The following TRPM1 variants were observed in gnomAD, a reference collection of about 807,000 sequenced individuals.
The protein encoded by TRPM1 is transient receptor potential cation channel subfamily M member 1, also known as TRPM1-203 APA Isoform, Intron 10.
In TRPM1, 113 loss-of-function variants were observed where a neutral mutation model predicts 149.4. That is an observed-to-expected ratio of 0.76 (90% CI 0.65 to 0.88). The LOEUF (loss-of-function observed/expected upper bound fraction) is 0.88, where lower values mean the gene tolerates loss of function less well. Ranked by LOEUF, TRPM1 falls within the 40% of genes least tolerant of loss-of-function variation. TRPM1 has a pLI of 0.00. For synonymous variants in TRPM1, 741 were observed against 759.5 expected (o/e 0.98, Z 0.40); for missense variants, 1,976 against 2,038.7 (o/e 0.97, Z 0.59).
rs12913672 is a variant in TRPM1 at position 31,038,110 on chromosome 15, A to G, written c.2373T>C (p.Tyr791=). The G allele has an allele frequency of 0.24, 379,715 of 1,613,592 alleles. 46,541 individuals are homozygous for G. Among genetic ancestry groups the G allele is most frequent in the Admixed American group, 0.26 (15,841 of 59,996 alleles). The change falls in exon 19 of 28, where the codon TAT becomes TAC. Residue 791 remains tyrosine, a synonymous_variant. Coordinates refer to ENST00000256552, the MANE Select transcript of TRPM1 (RefSeq NM_001252024.2). ...PTILFLEFRT[Y]DDFSYQTSKE... ...TGGATGTTTGATACGAGAAATCATCATATGTGCGAAATTCCAAAAACAAGA... is the reference window on the plus strand; with the variant it reads ...TGGATGTTTGATACGAGAAATCATCGTATGTGCGAAATTCCAAAAACAAGA...
intron 7 of TRPM1, among the ~76,000 whole-genome samples, chr15:31,065,597 A>G (rs2034351791): frequency 6.6e-6 from 1 of 152,172 alleles, no homozygotes; most frequent in African/African-American, 2.4e-5. Context: ...ATGCCCCTTC[A>G]GGAGCAGATG....
At chr15:31,083,167 C>A (rs2034907563) in intron 1 of TRPM1, among the ~76,000 whole-genome samples, 2 of 152,130 alleles carry the variant, frequency 1.3e-5, no homozygotes, top group Admixed American at 1.3e-4. Flanking sequence ...AGCCCTATGT[C>A]TTGGGCCAAA....
chr15:31,026,934 C>G lies in TRPM1; in HGVS notation c.3477G>C (p.Glu1159Asp). The G allele has an allele frequency of 1.2e-6, 2 of 1,614,012 alleles. No individual in the cohort carries two copies. Among genetic ancestry groups the G allele is most frequent in the Non-Finnish European group, 1.7e-6 (2 of 1,180,002 alleles). The change falls in exon 26 of 28, where the codon GAG becomes GAC. Residue 1159 changes from glutamate to aspartate, a missense_variant. Around this residue, in one of 3 missense-constraint regions of TRPM1, gnomAD observed 572 missense variants for 578.9 expected, o/e 0.99. Transcript: ENST00000256552. ...RCRKKREGDQEERDRGLKLFL... is the reference protein window; with the variant it reads ...RCRKKREGDQDERDRGLKLFL... ...ACATACTCAATCCACGATCCCGTTC[C>G]TCTTGGTCCCCTTCTCTCTTTTTCC...
At chr15:31,082,256 C>T (rs2034880761) in intron 1 of TRPM1, among the ~76,000 whole-genome samples, 1 of 152,180 alleles carries the variant, frequency 6.6e-6, no homozygotes, top group Non-Finnish European at 1.5e-5. Flanking sequence ...ATTTTGAATG[C>T]CTCTGTGCCG....
At chr15:31,069,624 C>T (rs948142060) in intron 4 of TRPM1, 5 of 1,319,890 alleles carry the variant, frequency 3.8e-6, no homozygotes, top group Non-Finnish European at 3.8e-6. Flanking sequence ...TGAGCGCAGG[C>T]CCAGGGAAGC....
intron 4 of TRPM1, among the ~76,000 whole-genome samples, chr15:31,068,343 C>T (rs574342249): frequency 4.6e-5 from 7 of 152,226 alleles, no homozygotes; most frequent in Non-Finnish European, 7.4e-5. Context: ...CTAAAATTCA[C>T]GTGGAAACCT....
chr15:31,102,245 C>A (rs578212173), upstream of TRPM1, among the ~76,000 whole-genome samples: 1 of 152,240 alleles, frequency 6.6e-6, no homozygotes, highest in African/African-American at 2.4e-5. Flanking sequence ...TGCTCTCCCC[C>A]CTTCACCAGG....
At chr15:31,080,562 G>T (rs185749169) in intron 2 of TRPM1, among the ~76,000 whole-genome samples, 1 of 152,180 alleles carries the variant, frequency 6.6e-6, no homozygotes, top group African/African-American at 2.4e-5. Context: ...AAGAACTGAG[G>T]GAAGATTCCA....
At chr15:31,020,416 C>T (rs12915504) in intron 27 of TRPM1, among the ~76,000 whole-genome samples, 35,326 of 152,180 alleles carry the variant, frequency 0.23, 4,685 homozygotes, top group Non-Finnish European at 0.3. Context: ...GCATCCATGC[C>T]GTATGTACAG....
chr15:31,067,102 C>T lies in TRPM1; in HGVS notation c.579G>A (p.Trp193Ter), dbSNP rs764266217. 1.2e-6 allele frequency: 2 copies of T among 1,614,106 alleles called. No individual in the cohort carries two copies. The highest frequency in any genetic ancestry group is 4.5e-5 in the East Asian group (2 of 44,886). Residue 193 changes from tryptophan to a stop codon, truncating the protein, a stop_gained, in exon 6 of 28, where the codon TGG (tryptophan) becomes TGA (stop). Coordinates refer to ENST00000256552, the MANE Select transcript of TRPM1 (RefSeq NM_001252024.2). LOFTEE classifies it high-confidence loss of function. ...GGTCTTCCTTATTCTCCACGATGCC[C>T]CATGGAGCAATTCCTATAGCACAAA... The part of the protein sequence containing the change: ...GRVCAIGIAP[W>*]GIVENKEDLV...
At chr15:31,086,841 A>T (rs2035014491) in intron 1 of TRPM1, among the ~76,000 whole-genome samples, 1 of 152,224 alleles carries the variant, frequency 6.6e-6, no homozygotes, top group African/African-American at 2.4e-5. Flanking sequence ...AGCAATTAAT[A>T]TTTAAAATAT....
chr15:31,050,589 T>C lies in TRPM1; in HGVS notation c.1264-7A>G. 1 of 1,614,040 alleles carries C rather than the reference T, an allele frequency of 6.2e-7. No homozygotes were observed. The highest frequency in any genetic ancestry group is 8.5e-7 in the Non-Finnish European group (1 of 1,180,000). ...GTGCCAGGCTTCCCAGGGGCTGCAG[T>C]CCACAGCAATCAGAGTTGGGAAATG... is the stretch of plus-strand genomic sequence containing the variant. On this transcript the variant is annotated splice_polypyrimidine_tract_variant and splice_region_variant and intron_variant, in intron 11 of 27. Coordinates refer to ENST00000256552, the MANE Select transcript of TRPM1 (RefSeq NM_001252024.2).
chr15:31,129,450 C>A (rs1246452958), intron 1 of TRPM1, among the ~76,000 whole-genome samples: 2 of 152,208 alleles, frequency 1.3e-5, no homozygotes, highest in African/African-American at 4.8e-5. Context: ...TTTCTGCCCA[C>A]TCAGCTCTCT....
intron 1 of TRPM1, among the ~76,000 whole-genome samples, chr15:31,144,471 T>G (rs2036198761): frequency 6.6e-6 from 1 of 152,154 alleles, no homozygotes; most frequent in African/African-American, 2.4e-5. Context: ...CAATCTGAGA[T>G]TCTTTGTCAA....
intron 1 of TRPM1, among the ~76,000 whole-genome samples, chr15:31,091,769 A>C (rs889508062): frequency 1.3e-5 from 2 of 152,212 alleles, no homozygotes; most frequent in Non-Finnish European, 2.9e-5. Context: ...TCATATATTT[A>C]TAGATGAACG....
chr15:31,052,150 G>A (rs2033963386), intron 11 of TRPM1, among the ~76,000 whole-genome samples: 2 of 152,214 alleles, frequency 1.3e-5, no homozygotes, highest in Admixed American at 1.3e-4. Context: ...AGTAACTCCA[G>A]AGTGACCTTT....
At chr15:31,036,102 G>C (rs377260125) in intron 20 of TRPM1, 81 of 315,220 alleles carry the variant, frequency 2.6e-4, no homozygotes, top group African/African-American at 1.7e-3. Context: ...TTAGATGAGA[G>C]GACATGTGGA....
chr15:31,100,519 A>G (rs781182352), intron 1 of TRPM1, among the ~76,000 whole-genome samples: 8 of 152,214 alleles, frequency 5.3e-5, no homozygotes, highest in Non-Finnish European at 1.0e-4. Context: ...ACTAATAAAA[A>G]GTACAAAAGA....
At chr15:31,126,686 A>G (rs1210357638) in intron 1 of TRPM1, among the ~76,000 whole-genome samples, 3 of 152,078 alleles carry the variant, frequency 2.0e-5, no homozygotes, top group African/African-American at 4.8e-5. Context: ...TTTGCCGGCC[A>G]GGCGCAGTGG....
Sources: gnomAD v4.1 joint callset for allele counts (sites outside exome capture counted in the v4.1 genomes callset) on GRCh38, gnomAD v4.1.1 for gene constraint, gnomAD v4.1.1 regional missense constraint, MANE v1.5 for transcripts, NCBI Gene and HGNC (gene_info 2026-07-23, HGNC 2026-07-21) for gene names.